Variants in CD99 observed in about 807,000 individuals in gnomAD.
CD99 encodes CD99 antigen.
CD99 carries 19 observed loss-of-function variants against 28.4 expected under a neutral mutation model. That is an observed-to-expected ratio of 0.67 (90% CI 0.47 to 0.98). CD99 has a LOEUF of 0.98. Among genes scored for constraint, CD99 ranks in the 50% least tolerant of loss-of-function variants. CD99 has a pLI of 0.00. For missense variants in CD99, 283 were observed against 248.8 expected (o/e 1.14, Z -0.92); for synonymous variants, 103 against 92.1 (o/e 1.12, Z -0.67).
chrX:2,720,295 G>A, intron 4 of CD99, 61 bp from the exon 5 acceptor site: 1 of 1,462,542 alleles, frequency 6.8e-7, no homozygotes, highest in African/African-American at 1.4e-5. Context: ...TGTGTAAACT[G>A]ATGTTTCATT....
At position 2,720,363 on chromosome X, in the gene CD99, A is replaced by T; in HGVS notation, c.201A>T (p.Pro67=). 6.2e-7 allele frequency: 1 copy of T among 1,613,530 alleles called. No individual in the cohort carries two copies. Among genetic ancestry groups the T allele is most frequent in the Non-Finnish European group, 8.5e-7 (1 of 1,179,760 alleles). Reference sequence around the variant, plus strand: ...CTCATCTTTCACAAACAGACGACCCACGACCACCGAACCCACCCAAACCGA... The same window carrying T: ...CTCATCTTTCACAAACAGACGACCCTCGACCACCGAACCCACCCAAACCGA... ...DAVVDGENDD[P]RPPNPPKPMP... Residue 67 remains proline, a synonymous_variant, in exon 5 of 10, where the codon CCA becomes CCT. Transcript: ENST00000381192.
intron 6 of CD99, 21 bp downstream of exon 6, chrX:2,722,695 G>A (rs1186476183): frequency 1.2e-6 from 2 of 1,613,314 alleles, no homozygotes; most frequent in Non-Finnish European, 1.7e-6. Flanking sequence ...CTTGTTTTCT[G>A]TCTCTTTTCT....
intron 7 of CD99, among the ~76,000 whole-genome samples, chrX:2,724,353 C>T (rs1010184924): frequency 2.6e-5 from 4 of 152,164 alleles, no homozygotes; most frequent in African/African-American, 9.7e-5. Context: ...ACCGACAGGC[C>T]ATGTTTGGAG....
chrX:2,723,497 G>C (rs2049108009), intron 7 of CD99, 133 bp downstream of exon 7: 1 of 1,007,062 alleles, frequency 9.9e-7, no homozygotes, highest in Non-Finnish European at 1.6e-6. Flanking sequence ...CGGGTGTTCT[G>C]TGCCAAGTGC....
At chrX:2,739,920 TAAAAAA>T (rs760923352) in intron 9 of CD99, among the ~76,000 whole-genome samples, 13 of 110,138 alleles carry the variant, frequency 1.2e-4, no homozygotes, top group African/African-American at 4.0e-4. Context: ...TACTAAAAAT[TAAAAAA>T]AAAAAAAAAA....
intron 5 of CD99, among the ~76,000 whole-genome samples, chrX:2,720,632 T>TA (rs2048949825): frequency 6.9e-6 from 1 of 144,400 alleles, no homozygotes; most frequent in African/African-American, 2.6e-5. Flanking sequence ...TTTTTTTTTT[T>TA]TTTTTTTTTT....
chrX:2,729,149 C>T (rs1353561343), intron 8 of CD99, among the ~76,000 whole-genome samples: 1 of 152,032 alleles, frequency 6.6e-6, no homozygotes, highest in African/African-American at 2.4e-5. Flanking sequence ...TTTTTAGAAT[C>T]CCAGACAATT....
In CD99 at chrX:2,691,827, G is replaced by A. The variant is rs1370673448; in HGVS notation, c.67+400G>A. 6.4e-6 allele frequency: 5 copies of A among 777,048 alleles called. No individual in the cohort carries two copies. The East Asian group carries it at 9.7e-5, about 15-fold the overall frequency. The allele number at this position is 777,048 out of a possible 1,614,324, so 48.1% of individuals were successfully genotyped here. A position where few individuals can be genotyped will look rare whatever the true frequency, so the allele number is the denominator to read the frequency against. On this transcript the variant is annotated intron_variant, in intron 1 of 9. Coordinates refer to ENST00000381192, the MANE Select transcript of CD99 (RefSeq NM_002414.5). ...CGTCTTCAGGCCGCGCGCGGAGGCC[G>A]CCCTGGAGTTGCCTGTCACAGCCAC...
At chrX:2,691,639 A>G in intron 1 of CD99, 1 of 714,328 alleles carries the variant, frequency 1.4e-6, no homozygotes, top group African/African-American at 1.7e-5. Flanking sequence ...CAGAGAGAAA[A>G]GTCAGCGTTT....
At chrX:2,712,362 A>T (rs1381242220) in intron 1 of CD99, among the ~76,000 whole-genome samples, 1 of 152,172 alleles carries the variant, frequency 6.6e-6, no homozygotes, top group Non-Finnish European at 1.5e-5. Context: ...AAAATGCCTA[A>T]GACAGTAGCT....
chrX:2,695,637 C>CT (rs773294263), intron 1 of CD99, among the ~76,000 whole-genome samples: 5,936 of 141,468 alleles, frequency 0.042, 405 homozygotes, highest in African/African-American at 0.14. Context: ...AAAAAAAAGT[C>CT]TTTTTTTTTT....
rs2050047888 is a variant in CD99, at chrX:2,738,318, A to G, written c.532+62A>G. The G allele has an allele frequency of 5.4e-6, 8 of 1,468,962 alleles. No individual in the cohort carries two copies. The East Asian group carries it at 6.8e-5, about 12-fold the overall frequency. 91.0% of individuals were successfully genotyped at this position (1,468,962 alleles called of 1,614,324 possible). On this transcript the variant is annotated intron_variant, in intron 9 of 9. Transcript: ENST00000381192. Reference sequence around the variant, plus strand: ...CCAGTGTTCCCATTTTATCTTCTCCATCCTCTCCCATCTTGCTGTCCTGCT... The same window carrying G: ...CCAGTGTTCCCATTTTATCTTCTCCGTCCTCTCCCATCTTGCTGTCCTGCT...
intron 1 of CD99, among the ~76,000 whole-genome samples, chrX:2,695,999 ACAAAC>A (rs994849116): frequency 1.9e-4 from 29 of 152,188 alleles, no homozygotes; most frequent in African/African-American, 7.0e-4. Flanking sequence ...ACAGGGAAAA[ACAAAC>A]CAAACTTTAT....
At chrX:2,716,078 G>A (rs1334546193) in intron 2 of CD99, among the ~76,000 whole-genome samples, 1 of 150,912 alleles carries the variant, frequency 6.6e-6, no homozygotes, top group African/African-American at 2.4e-5. Flanking sequence ...GAGTGCAGTG[G>A]CACGATCTCG....
Position 2,740,836 on chromosome X carries a change from G to C in CD99, c.*32G>C. Reference sequence around the variant, plus strand: ...GTCGGCAGAAACAGCCCAGGCGTTGGCAGCAGGGTTAGAACAGCTGCCTGA... The same window carrying C: ...GTCGGCAGAAACAGCCCAGGCGTTGCCAGCAGGGTTAGAACAGCTGCCTGA... On this transcript the variant is annotated 3_prime_UTR_variant, in exon 10 of 10. Coordinates refer to ENST00000381192, the MANE Select transcript of CD99 (RefSeq NM_002414.5). 6.2e-7 allele frequency: 1 copy of C among 1,613,674 alleles called. No homozygotes were observed. Among genetic ancestry groups the C allele is most frequent in the Non-Finnish European group, 8.5e-7 (1 of 1,179,610 alleles).
intron 7 of CD99, among the ~76,000 whole-genome samples, chrX:2,725,707 A>G (rs1334290771): frequency 6.6e-6 from 1 of 152,120 alleles, no homozygotes; most frequent in Non-Finnish European, 1.5e-5. Flanking sequence ...TCTGCCTCCC[A>G]GGTTCAAGCG....
intron 1 of CD99, among the ~76,000 whole-genome samples, chrX:2,708,183 A>G (rs187777967): frequency 1.4e-4 from 22 of 152,180 alleles, no homozygotes; most frequent in African/African-American, 5.1e-4. Flanking sequence ...ATCCCTTCAC[A>G]TACATAGGGA....
chrX:2,737,780 G>C, intron 8 of CD99: 1 of 342,468 alleles, frequency 2.9e-6, no homozygotes, highest in Non-Finnish European at 5.7e-6. Context: ...ACAGGCGTGA[G>C]TCACCACGCC....
chrX:2,698,283 C>T (rs759113151), intron 1 of CD99, among the ~76,000 whole-genome samples: 36 of 151,810 alleles, frequency 2.4e-4, no homozygotes, highest in Non-Finnish European at 4.4e-4. Flanking sequence ...GAATCTCTCA[C>T]CTCAGCCTTC....
Sources: gnomAD v4.1 joint callset for allele counts (sites outside exome capture counted in the v4.1 genomes callset) on GRCh38, gnomAD v4.1.1 for gene constraint, MANE v1.5 for transcripts, NCBI Gene and HGNC (gene_info 2026-07-23, HGNC 2026-07-21) for gene names.